TAOK1: variants seen among roughly 807,000 people sequenced by gnomAD.
TAOK1 encodes the protein TAO kinase 1.
A neutral mutation model predicts 138.3 loss-of-function variants in TAOK1; 21 were observed. That is an observed-to-expected ratio of 0.15 (90% CI 0.11 to 0.22). TAOK1 has a LOEUF of 0.22. Among genes scored for constraint, TAOK1 ranks in the 10% least tolerant of loss-of-function variants. The pLI is 1.00. For missense variants in TAOK1, 651 were observed against 1,227.7 expected, an observed-to-expected ratio of 0.53 and a Z score of 7.02; for synonymous variants, 361 against 398.4, an observed-to-expected ratio of 0.91 and a Z score of 1.12.
chr17:29,539,048 A>G (rs961458929), intron 19 of TAOK1, among the ~76,000 whole-genome samples: 3 of 152,162 alleles, frequency 2.0e-5, no homozygotes, highest in African/African-American at 7.2e-5. Context: ...CTTGGTGCTC[A>G]GGAGTTTGAG....
intron 12 of TAOK1, among the ~76,000 whole-genome samples, chr17:29,498,813 C>G (rs1054238542): frequency 6.6e-6 from 1 of 151,966 alleles, no homozygotes; most frequent in Non-Finnish European, 1.5e-5. Context: ...ATACTCCCAC[C>G]TACTTGGGAG....
At chr17:29,439,204 T>C (rs1379401928) in intron 1 of TAOK1, among the ~76,000 whole-genome samples, 23 of 149,596 alleles carry the variant, frequency 1.5e-4, no homozygotes, top group Admixed American at 3.3e-4. Context: ...TCTTTCTTTT[T>C]TTTTTTTTTT....
At chr17:29,428,791 A>ATT (rs5819868) in intron 1 of TAOK1, among the ~76,000 whole-genome samples, 3 of 144,672 alleles carry the variant, frequency 2.1e-5, no homozygotes, top group Non-Finnish European at 3.0e-5. Flanking sequence ...ACCTGACTAA[A>ATT]TTTTTTTTTT....
chr17:29,429,283 C>A (rs543060465), intron 1 of TAOK1, among the ~76,000 whole-genome samples: 2 of 151,984 alleles, frequency 1.3e-5, no homozygotes, highest in Non-Finnish European at 1.5e-5. Context: ...ATCTACTTTC[C>A]TCTGATTTTT....
chr17:29,452,673 C>T (rs936931878), intron 2 of TAOK1, among the ~76,000 whole-genome samples: 19 of 152,114 alleles, frequency 1.2e-4, no homozygotes, highest in African/African-American at 4.6e-4. Context: ...CTGTAATCTC[C>T]CTTGGTCTCG....
At chr17:29,479,213 T>G (rs2031008125) in intron 6 of TAOK1, among the ~76,000 whole-genome samples, 1 of 152,188 alleles carries the variant, frequency 6.6e-6, no homozygotes, top group South Asian at 2.1e-4. Flanking sequence ...TTGATAATCC[T>G]TGATAATGGA....
intron 2 of TAOK1, among the ~76,000 whole-genome samples, chr17:29,457,084 T>G (rs959452739): frequency 8.4e-6 from 1 of 119,572 alleles, no homozygotes; most frequent in Non-Finnish European, 1.8e-5. Context: ...TCTTTTTTTC[T>G]TTTTCTTTTT....
At chr17:29,480,167 C>T in intron 6 of TAOK1, 1 of 345,026 alleles carries the variant, frequency 2.9e-6, no homozygotes, top group Non-Finnish European at 5.2e-6. Context: ...AAAATTATTA[C>T]TATATGTTTA....
chr17:29,480,498 C>G lies in TAOK1; in HGVS notation c.563+17C>G. 6.3e-7 allele frequency: 1 copy of G among 1,586,844 alleles called. No homozygotes were observed. Among genetic ancestry groups the G allele is most frequent in the Non-Finnish European group, 8.6e-7 (1 of 1,157,526 alleles). ...GCCGTATTGGTAAGAATAGTTAAAGCAGTCAGCAGCTGTTTTAAGTGTCTG... is the reference window on the plus strand; with the variant it reads ...GCCGTATTGGTAAGAATAGTTAAAGGAGTCAGCAGCTGTTTTAAGTGTCTG... On this transcript the variant is annotated intron_variant, in intron 7 of 19. Coordinates refer to ENST00000261716, the MANE Select transcript of TAOK1 (RefSeq NM_020791.4).
At position 29,543,246 on chromosome 17, in the gene TAOK1, T is replaced by C. The variant is rs1400008460; in HGVS notation, c.*224T>C. ...TTGTTTTTGGGGAAATTTTGAAAAG[T>C]GGAGTTGATATTAAAAATAAATGTG... On this transcript the variant is annotated 3_prime_UTR_variant, in exon 20 of 20. Coordinates refer to ENST00000261716, the MANE Select transcript of TAOK1 (RefSeq NM_020791.4). 9.2e-6 allele frequency: 4 copies of C among 433,862 alleles called. No individual in the cohort carries two copies. The highest frequency in any genetic ancestry group is 8.7e-5 in the South Asian group (2 of 23,068). The allele number at this position is 433,862 out of a possible 1,614,324, so 26.9% of individuals were successfully genotyped here.
intron 18 of TAOK1, among the ~76,000 whole-genome samples, chr17:29,533,724 G>C (rs552502147): frequency 2.7e-5 from 4 of 150,374 alleles, no homozygotes; most frequent in Non-Finnish European, 5.9e-5. Flanking sequence ...GCCTGCAATC[G>C]CAGGCACTCG....
At chr17:29,394,460 C>T (rs1166894054) in intron 1 of TAOK1, among the ~76,000 whole-genome samples, 7 of 152,054 alleles carry the variant, frequency 4.6e-5, no homozygotes, top group East Asian at 3.9e-4. Flanking sequence ...CCACCGTGCC[C>T]GGCAAATTTG....
chr17:29,412,328 C>T (rs925380576), intron 1 of TAOK1, among the ~76,000 whole-genome samples: 5 of 151,908 alleles, frequency 3.3e-5, no homozygotes, highest in Non-Finnish European at 5.9e-5. Flanking sequence ...CAGGTGTGAG[C>T]CCCCATGCCC....
intron 3 of TAOK1, among the ~76,000 whole-genome samples, chr17:29,469,648 T>G (rs2030765610): frequency 6.6e-6 from 1 of 152,198 alleles, no homozygotes; most frequent in African/African-American, 2.4e-5. Flanking sequence ...CCTTCCTTTT[T>G]AAGTCTGAAA....
chr17:29,477,743 C>A, intron 5 of TAOK1, 37 bp downstream of exon 5: 1 of 1,247,640 alleles, frequency 8.0e-7, no homozygotes, highest in Non-Finnish European at 1.1e-6. Flanking sequence ...AAAGTATTCA[C>A]AGAATAAAAT....
intron 17 of TAOK1, among the ~76,000 whole-genome samples, chr17:29,523,941 G>A (rs1023289343): frequency 2.0e-5 from 3 of 152,108 alleles, no homozygotes; most frequent in Non-Finnish European, 4.4e-5. Context: ...TTCATTCACA[G>A]AGGTAATCTG....
intron 1 of TAOK1, among the ~76,000 whole-genome samples, chr17:29,394,150 G>GTTTTTTTTTTTTTTTTTTTTTTTTTTTTT (rs58117433): frequency 2.1e-5 from 1 of 48,246 alleles, no homozygotes; most frequent in Admixed American, 3.9e-4. Flanking sequence ...TAATTTGCCA[G>GTTTTTTTTTTTTTTTTTTTTTTTTTTTTT]TTTTTTTTTT....
At chr17:29,496,511 A>G (rs2031416289) in intron 11 of TAOK1, among the ~76,000 whole-genome samples, 1 of 151,408 alleles carries the variant, frequency 6.6e-6, no homozygotes, top group South Asian at 2.1e-4. Flanking sequence ...ACTCTCTCAG[A>G]AGTCATGAGA....
intron 2 of TAOK1, among the ~76,000 whole-genome samples, chr17:29,454,561 A>G (rs2153024503): frequency 6.6e-6 from 1 of 152,240 alleles, no homozygotes; most frequent in South Asian, 2.1e-4. Context: ...CTGTCTTAAT[A>G]ATATTAAGTC....
Sources: allele counts gnomAD v4.1 joint callset (sites outside exome capture counted in the v4.1 genomes callset), GRCh38; gene constraint gnomAD v4.1.1; transcripts MANE v1.5; gene names NCBI Gene and HGNC (gene_info 2026-07-23, HGNC 2026-07-21).